Variants in PHF24 observed in about 807,000 individuals in gnomAD.
The protein encoded by PHF24 is Galpha inhibitory interacting protein.
PHF24 carries 25 observed loss-of-function variants against 42.6 expected under a neutral mutation model. The ratio of observed to expected loss-of-function variants is 0.59; its 90% confidence interval spans 0.43 to 0.82. The LOEUF is 0.82. PHF24 is among the 40% of genes least tolerant of loss of function. PHF24 has a pLI of 0.00. For missense variants in PHF24, 470 were observed against 538.1 expected (o/e 0.87, Z 1.25); for synonymous variants, 185 against 204.8 (o/e 0.90, Z 0.83).
At chr9:34,714,512 G>A in the PHF24 span, among the ~76,000 whole-genome samples, 1 of 152,224 alleles carries the variant, frequency 6.6e-6, no homozygotes, top group African/African-American at 2.4e-5. Flanking sequence ...CAACACGCCA[G>A]ACCGCCTTAA....
At chr9:34,818,642 A>G in the PHF24 span, among the ~76,000 whole-genome samples, 1 of 151,990 alleles carries the variant, frequency 6.6e-6, no homozygotes, top group Non-Finnish European at 1.5e-5. Flanking sequence ...TTTTCTTGTA[A>G]TTTGCCTCTT....
At chr9:34,909,672 A>G in the PHF24 span, among the ~76,000 whole-genome samples, 1 of 148,550 alleles carries the variant, frequency 6.7e-6, no homozygotes, top group African/African-American at 2.5e-5. Context: ...CCCAGGCTGG[A>G]GTGCAGTGGC....
the PHF24 span, chr9:34,889,664 G>C: frequency 2.5e-6 from 1 of 398,472 alleles, no homozygotes; most frequent in Non-Finnish European, 4.4e-6. Context: ...TGTGAGTATG[G>C]ACTGCCCTTA....
At chr9:34,780,638 G>A in the PHF24 span, among the ~76,000 whole-genome samples, 2 of 152,032 alleles carry the variant, frequency 1.3e-5, no homozygotes, top group African/African-American at 4.8e-5. Flanking sequence ...AGAAAAATAG[G>A]TAAATTTGAT....
the PHF24 span, among the ~76,000 whole-genome samples, chr9:34,898,139 G>A: frequency 6.6e-6 from 1 of 152,276 alleles, no homozygotes; most frequent in East Asian, 1.9e-4. Context: ...AAACATGCAC[G>A]TGCAAGTATC....
chr9:34,877,292 A>G, the PHF24 span, among the ~76,000 whole-genome samples: 3 of 152,012 alleles, frequency 2.0e-5, no homozygotes, highest in South Asian at 2.1e-4. Context: ...AAAAAAAAAA[A>G]AAAAGAAAAA....
the PHF24 span, among the ~76,000 whole-genome samples, chr9:34,720,451 C>CAAAAAAAA: frequency 5.8e-5 from 2 of 34,752 alleles, no homozygotes; most frequent in Admixed American, 4.0e-4. Context: ...GACTCCGTCT[C>CAAAAAAAA]AAAAAAAAAA....
the PHF24 span, among the ~76,000 whole-genome samples, chr9:34,948,109 C>CAA: frequency 2.9e-4 from 26 of 90,444 alleles, no homozygotes; most frequent in Admixed American, 5.6e-4. Flanking sequence ...GACTCCGTCT[C>CAA]AAAAAAAAAA....
the PHF24 span, among the ~76,000 whole-genome samples, chr9:34,741,700 C>T: frequency 6.6e-6 from 1 of 152,248 alleles, no homozygotes; most frequent in Non-Finnish European, 1.5e-5. Context: ...CGATGTTCTG[C>T]ATGGCCAAGT....
At chr9:34,831,961 C>T in the PHF24 span, among the ~76,000 whole-genome samples, 5 of 152,184 alleles carry the variant, frequency 3.3e-5, no homozygotes, top group African/African-American at 1.2e-4. Flanking sequence ...CACAAAAGCA[C>T]CTCCTCAAGG....
chr9:34,836,297 G>A, the PHF24 span, among the ~76,000 whole-genome samples: 2 of 152,168 alleles, frequency 1.3e-5, no homozygotes, highest in East Asian at 3.9e-4. Flanking sequence ...CCTCAGAGAA[G>A]ACTGGGAGCT....
the PHF24 span, among the ~76,000 whole-genome samples, chr9:34,855,887 C>G: frequency 6.6e-6 from 1 of 152,154 alleles, no homozygotes; most frequent in African/African-American, 2.4e-5. Context: ...TTTTCCTTCT[C>G]CTTGTCTCTT....
At chr9:34,945,453 C>T in the PHF24 span, among the ~76,000 whole-genome samples, 1 of 152,232 alleles carries the variant, frequency 6.6e-6, no homozygotes, top group East Asian at 1.9e-4. Context: ...GTAGGTGAGA[C>T]AGAAAGAAAG....
the PHF24 span, among the ~76,000 whole-genome samples, chr9:34,781,115 A>T: frequency 1.3e-5 from 2 of 152,152 alleles, no homozygotes; most frequent in East Asian, 3.9e-4. Context: ...ACTATATTCC[A>T]CTCCTAGGTA....
At chr9:34,761,574 G>A in the PHF24 span, among the ~76,000 whole-genome samples, 5 of 152,268 alleles carry the variant, frequency 3.3e-5, no homozygotes, top group Admixed American at 2.6e-4. Flanking sequence ...GAACATATAT[G>A]GGACACTTAC....
chr9:34,776,101 A>G, the PHF24 span, among the ~76,000 whole-genome samples: 1 of 152,234 alleles, frequency 6.6e-6, no homozygotes, highest in Non-Finnish European at 1.5e-5. Context: ...AGGAAATTTT[A>G]GGAGTGATTG....
chr9:34,940,772 G>A, the PHF24 span, among the ~76,000 whole-genome samples: 34 of 152,292 alleles, frequency 2.2e-4, no homozygotes, highest in African/African-American at 7.9e-4. Flanking sequence ...GGGAATACCA[G>A]GAGGTGTCCA....
the PHF24 span, among the ~76,000 whole-genome samples, chr9:34,693,294 G>A: frequency 6.6e-6 from 1 of 152,156 alleles, no homozygotes; most frequent in African/African-American, 2.4e-5. Flanking sequence ...AGGGTCACCT[G>A]CTTTCTGGCT....
the PHF24 span, among the ~76,000 whole-genome samples, chr9:34,701,825 G>A: frequency 1.8e-4 from 27 of 152,126 alleles, no homozygotes; most frequent in Admixed American, 3.9e-4. This position sits in a 1 kb window ranked among gnomAD's most constrained non-coding sequence, Gnocchi z 5.8. Flanking sequence ...GGGAAGGCCC[G>A]TGTTTGTCGG....
Sources: gnomAD v4.1 joint callset for allele counts (sites outside exome capture counted in the v4.1 genomes callset) on GRCh38, gnomAD v4.1.1 for gene constraint, Gnocchi (gnomAD v3.1) non-coding constraint, MANE v1.5 for transcripts, NCBI Gene and HGNC (gene_info 2026-07-23, HGNC 2026-07-21) for gene names.